Variants in SHISA9 observed in about 807,000 individuals in gnomAD.
SHISA9 encodes the protein shisa family member 9.
Under a neutral mutation model 38.0 loss-of-function variants are expected in SHISA9, and 13 were observed. The ratio of observed to expected loss-of-function variants is 0.34; its 90% CI spans 0.22 to 0.54. The LOEUF is 0.54. SHISA9 is among the 20% of genes least tolerant of loss of function. The probability of loss-of-function intolerance (pLI) is 0.91; values close to 1 mark genes in which losing one functional copy is unlikely to be tolerated. For missense variants in SHISA9, 538 were observed against 575.8 expected (o/e 0.93, Z 0.67); for synonymous variants, 275 against 242.0 (o/e 1.14, Z -1.27).
intron 2 of SHISA9, among the ~76,000 whole-genome samples, chr16:13,114,262 C>G (rs928199637): frequency 1.3e-5 from 2 of 151,724 alleles, no homozygotes; most frequent in Non-Finnish European, 2.9e-5. Context: ...GTCAGGAGAT[C>G]GAGACCATCC....
chr16:13,490,044 G>T, the SHISA9 span, among the ~76,000 whole-genome samples: 2 of 152,158 alleles, frequency 1.3e-5, no homozygotes, highest in African/African-American at 4.8e-5. Flanking sequence ...TAACCTAAAA[G>T]ATGTCAATTT....
intron 2 of SHISA9, among the ~76,000 whole-genome samples, chr16:12,957,386 G>A (rs552026499): frequency 2.0e-5 from 3 of 152,236 alleles, no homozygotes; most frequent in Non-Finnish European, 2.9e-5. Context: ...TCACGATTCC[G>A]GAGGCTGGAA....
the SHISA9 span, among the ~76,000 whole-genome samples, chr16:13,548,029 T>C: frequency 4.6e-5 from 7 of 152,162 alleles, no homozygotes; most frequent in African/African-American, 1.7e-4. Flanking sequence ...CATAGACCAA[T>C]AGAAGAGAAT....
intron 2 of SHISA9, among the ~76,000 whole-genome samples, chr16:12,995,338 T>A (rs1293935278): frequency 3.9e-5 from 6 of 152,228 alleles, no homozygotes; most frequent in African/African-American, 1.4e-4. Flanking sequence ...TCTTTTTAGC[T>A]ATTTGGGCTG....
At chr16:13,353,483 T>C in the SHISA9 span, among the ~76,000 whole-genome samples, 123,625 of 151,242 alleles carry the variant, frequency 0.82, 50,720 homozygotes, top group East Asian at 0.96. Flanking sequence ...CTTGGAAAAA[T>C]AGTGTAAACC....
chr16:13,362,426 T>A, the SHISA9 span, among the ~76,000 whole-genome samples: 3 of 151,874 alleles, frequency 2.0e-5, no homozygotes, highest in South Asian at 6.2e-4. Flanking sequence ...AGACCCTGTC[T>A]CAGACCAAAA....
intron 2 of SHISA9, among the ~76,000 whole-genome samples, chr16:12,943,299 G>T (rs2071636579): frequency 1.2e-5 from 1 of 84,366 alleles, no homozygotes; most frequent in African/African-American, 4.8e-5. Context: ...GTGTGTGTGT[G>T]TGTGTGTGTG....
In SHISA9 at chr16:13,240,411, A is replaced by G. The variant is rs2142095590; in HGVS notation, c.*5002A>G. The G allele has an allele frequency of 6.6e-6, 1 of 152,276 alleles. No individual in the cohort carries two copies. Among genetic ancestry groups the G allele is most frequent in the East Asian group, 1.9e-4 (1 of 5,170 alleles). The allele number at this position is 152,276 out of a possible 1,614,324, so 9.4% of individuals were successfully genotyped here. A position where few individuals can be genotyped will look rare whatever the true frequency, so the allele number is the denominator to read the frequency against. ...CTTACCTGGCAATAAAACTGATTATATGTGAGGCTGTTGGGATTGTCATGT... is the reference window on the plus strand; with the variant it reads ...CTTACCTGGCAATAAAACTGATTATGTGTGAGGCTGTTGGGATTGTCATGT... On this transcript the variant is annotated 3_prime_UTR_variant, in exon 5 of 5. Transcript: ENST00000558583.
intron 1 of SHISA9, chr16:12,909,723 AC>A: frequency 2.9e-6 from 1 of 342,702 alleles, no homozygotes; most frequent in Non-Finnish European, 4.1e-6. Context: ...CCAGCCCATC[AC>A]CCAGTCAGTG....
chr16:13,387,269 C>G, the SHISA9 span, among the ~76,000 whole-genome samples: 18 of 152,090 alleles, frequency 1.2e-4, no homozygotes, highest in Non-Finnish European at 1.8e-4. Context: ...TTGTTGTAAA[C>G]AGAATTCAAT....
At chr16:13,177,133 A>T (rs751117025) in intron 2 of SHISA9, among the ~76,000 whole-genome samples, 4 of 152,152 alleles carry the variant, frequency 2.6e-5, no homozygotes, top group African/African-American at 7.2e-5. Flanking sequence ...GGGGAATTTG[A>T]GGGTTATGAA....
chr16:12,916,078 T>C (rs919448199), intron 1 of SHISA9, among the ~76,000 whole-genome samples: 1 of 150,452 alleles, frequency 6.6e-6, no homozygotes, highest in African/African-American at 2.4e-5. Context: ...GGTTGAATTG[T>C]GTCTCCATCC....
intron 2 of SHISA9, among the ~76,000 whole-genome samples, chr16:13,034,314 T>C (rs1243035207): frequency 6.6e-6 from 1 of 152,142 alleles, no homozygotes; most frequent in Non-Finnish European, 1.5e-5. Context: ...TAGCATCTCC[T>C]TGGGAATGAC....
chr16:13,491,253 T>TGAC, the SHISA9 span, among the ~76,000 whole-genome samples: 1 of 152,178 alleles, frequency 6.6e-6, no homozygotes, highest in South Asian at 2.1e-4. Context: ...ATAATGACGA[T>TGAC]GACGATGATG....
chr16:13,121,993 C>G (rs1204464176), intron 2 of SHISA9, among the ~76,000 whole-genome samples: 1 of 152,126 alleles, frequency 6.6e-6, no homozygotes, highest in African/African-American at 2.4e-5. Flanking sequence ...TGATACTGTT[C>G]ACATAAACTA....
At chr16:13,377,000 AAGAC>A in the SHISA9 span, among the ~76,000 whole-genome samples, 8 of 152,236 alleles carry the variant, frequency 5.3e-5, no homozygotes, top group Non-Finnish European at 8.8e-5. Flanking sequence ...TGTATCAAAA[AAGAC>A]AGATTCCCTA....
At chr16:12,920,944 A>G (rs1387123819) in intron 2 of SHISA9, among the ~76,000 whole-genome samples, 1 of 152,224 alleles carries the variant, frequency 6.6e-6, no homozygotes, top group Non-Finnish European at 1.5e-5. Context: ...GACAGGAAAC[A>G]ACACTAAACA....
the SHISA9 span, among the ~76,000 whole-genome samples, chr16:13,370,752 T>C: frequency 2.9e-4 from 44 of 152,272 alleles, no homozygotes; most frequent in Middle Eastern, 3.4e-3. Flanking sequence ...TACCCTCTAT[T>C]TGAATGGGTT....
chr16:13,078,766 C>T (rs942656316), intron 2 of SHISA9, among the ~76,000 whole-genome samples: 18 of 152,210 alleles, frequency 1.2e-4, no homozygotes, highest in Non-Finnish European at 2.2e-4. Context: ...GGCTGATACA[C>T]ATTTACTGTG....
Sources: gnomAD v4.1 joint callset for allele counts (sites outside exome capture counted in the v4.1 genomes callset) on GRCh38, gnomAD v4.1.1 for gene constraint, MANE v1.5 for transcripts, NCBI Gene and HGNC (gene_info 2026-07-23, HGNC 2026-07-21) for gene names.